HTR4: variants seen among roughly 807,000 people sequenced by gnomAD.
HTR4 encodes 5-hydroxytryptamine receptor 4, also known as 5-hydroxytryptamine (serotonin) receptor 4, G protein-coupled.
In HTR4, 16 loss-of-function variants were observed where a neutral mutation model predicts 36.8. That is an observed-to-expected ratio of 0.43 (90% CI 0.29 to 0.66). The LOEUF (loss-of-function observed/expected upper bound fraction) is 0.66. Among genes scored for constraint, HTR4 ranks in the 30% least tolerant of loss-of-function variants. The pLI is 0.13. For missense variants in HTR4, 438 were observed against 490.9 expected (o/e 0.89, Z 1.02); for synonymous variants, 189 against 185.1 (o/e 1.02, Z -0.17).
chr5:148,492,316 G>A lies in HTR4; in HGVS notation c.1077-9023C>T, dbSNP rs530480312. Among the ~76,000 whole-genome samples the A allele has an allele frequency of 4.6e-5, 7 of 152,270 alleles. No individual in the cohort carries two copies. The South Asian group carries it at 1.5e-3, about 32-fold the overall frequency. ...CTACAGGTAATTTAAAATCCAGAAG[G>A]CATATTCAAAATAACAGCCCCAACT... is the stretch of plus-strand genomic sequence containing the variant. On this transcript the variant is annotated intron_variant, in intron 6 of 6. Coordinates refer to ENST00000377888, the MANE Select transcript of HTR4 (RefSeq NM_000870.7).
chr5:148,537,353 C>T (rs10476895), intron 4 of HTR4, among the ~76,000 whole-genome samples: 47,683 of 151,702 alleles, frequency 0.31, 7,789 homozygotes, highest in Non-Finnish European at 0.37. Flanking sequence ...AAAAATCAAC[C>T]CCAAAAATAG....
intron 2 of HTR4, among the ~76,000 whole-genome samples, chr5:148,563,145 T>C (rs1253460457): frequency 2.0e-5 from 3 of 152,154 alleles, no homozygotes; most frequent in African/African-American, 7.2e-5. Context: ...GCTGCTTCCA[T>C]CATCTCAACT....
At chr5:148,493,430 A>G (rs1756547813) in intron 6 of HTR4, among the ~76,000 whole-genome samples, 1 of 152,256 alleles carries the variant, frequency 6.6e-6, no homozygotes, top group African/African-American at 2.4e-5. Flanking sequence ...ACTACCTACC[A>G]TGATCTGTAT....
intron 5 of HTR4, among the ~76,000 whole-genome samples, chr5:148,518,361 A>G (rs1245523611): frequency 6.6e-6 from 1 of 152,172 alleles, no homozygotes; most frequent in Non-Finnish European, 1.5e-5. Context: ...CCTGAATTAG[A>G]TTCTCAAATA....
chr5:148,600,350 T>TA (rs576249705), intron 2 of HTR4, among the ~76,000 whole-genome samples: 20 of 63,204 alleles, frequency 3.2e-4, no homozygotes, highest in African/African-American at 5.3e-4. Context: ...TATATATATA[T>TA]TTTTTTTTCA....
chr5:148,568,112 A>C (rs1303876239), intron 2 of HTR4, among the ~76,000 whole-genome samples: 1 of 152,182 alleles, frequency 6.6e-6, no homozygotes, highest in African/African-American at 2.4e-5. Flanking sequence ...TGCAAATGAA[A>C]TACTCTATCT....
chr5:148,559,050 T>C (rs1435228172), intron 2 of HTR4, among the ~76,000 whole-genome samples: 4 of 152,176 alleles, frequency 2.6e-5, no homozygotes, highest in African/African-American at 7.2e-5. Flanking sequence ...GGCCTAGAGT[T>C]GGGCAAAGTC....
chr5:148,632,283 A>G (rs1475731719), intron 2 of HTR4, among the ~76,000 whole-genome samples: 2 of 152,330 alleles, frequency 1.3e-5, no homozygotes, highest in East Asian at 3.9e-4. Flanking sequence ...AGTTTCCTAG[A>G]AACCCTAGCA....
intron 4 of HTR4, among the ~76,000 whole-genome samples, chr5:148,533,094 G>A (rs1758655639): frequency 6.6e-6 from 1 of 152,226 alleles, no homozygotes; most frequent in African/African-American, 2.4e-5. Context: ...AGAAAGAGTT[G>A]TTGATTCATA....
chr5:148,612,703 A>C (rs1264565842), intron 2 of HTR4, among the ~76,000 whole-genome samples: 2 of 147,028 alleles, frequency 1.4e-5, no homozygotes, highest in Non-Finnish European at 3.0e-5. Context: ...GGAAATAGAG[A>C]CACAAAAAAA....
intron 6 of HTR4, among the ~76,000 whole-genome samples, chr5:148,505,653 C>T (rs1343637074): frequency 1.3e-5 from 2 of 152,186 alleles, no homozygotes; most frequent in Non-Finnish European, 2.9e-5. Flanking sequence ...TCTCCTTAAG[C>T]TGATAGGCAA....
At chr5:148,527,061 G>A (rs548816853) in intron 4 of HTR4, among the ~76,000 whole-genome samples, 108 of 152,270 alleles carry the variant, frequency 7.1e-4, no homozygotes, top group Non-Finnish European at 1.3e-3. Flanking sequence ...AATGATAAAT[G>A]TTTGAGGTGA....
intron 2 of HTR4, among the ~76,000 whole-genome samples, chr5:148,595,783 A>T (rs1390120361): frequency 6.6e-6 from 1 of 152,226 alleles, no homozygotes; most frequent in Non-Finnish European, 1.5e-5. Flanking sequence ...AATCTTTTCC[A>T]ATTTAAATGA....
intron 2 of HTR4, among the ~76,000 whole-genome samples, chr5:148,610,274 T>C (rs943099982): frequency 6.6e-6 from 1 of 152,178 alleles, no homozygotes; most frequent in Non-Finnish European, 1.5e-5. Flanking sequence ...GATTTCTGCA[T>C]TTCCATCTGA....
intron 2 of HTR4, among the ~76,000 whole-genome samples, chr5:148,632,783 C>A (rs1337362588): frequency 6.6e-6 from 1 of 152,094 alleles, no homozygotes; most frequent in Non-Finnish European, 1.5e-5. Context: ...ATTTAGCGAT[C>A]ACACTTGAAC....
intron 5 of HTR4, among the ~76,000 whole-genome samples, chr5:148,465,204 A>T (rs529835020): frequency 9.2e-5 from 14 of 152,274 alleles, no homozygotes; most frequent in South Asian, 8.3e-4. Flanking sequence ...TACAGTACTA[A>T]GAATGAACTC....
chr5:148,612,039 T>C (rs1397898106), intron 2 of HTR4, among the ~76,000 whole-genome samples: 3 of 151,938 alleles, frequency 2.0e-5, no homozygotes, highest in African/African-American at 7.3e-5. Flanking sequence ...AAGTCCTGAG[T>C]GACCTACAAA....
At chr5:148,629,703 C>G (rs1410007834) in intron 2 of HTR4, 2 of 152,306 alleles carry the variant, frequency 1.3e-5, no homozygotes, top group African/African-American at 4.8e-5. Flanking sequence ...GATTGAGACT[C>G]AGATGCTTAT....
At chr5:148,603,226 T>C (rs1356081324) in intron 2 of HTR4, among the ~76,000 whole-genome samples, 5 of 152,042 alleles carry the variant, frequency 3.3e-5, no homozygotes, top group Non-Finnish European at 5.9e-5. Flanking sequence ...ATTTCATCAT[T>C]GTGAGGTTAG....
Sources: allele counts gnomAD v4.1 joint callset (sites outside exome capture counted in the v4.1 genomes callset), GRCh38; gene constraint gnomAD v4.1.1; transcripts MANE v1.5; gene names NCBI Gene and HGNC (gene_info 2026-07-23, HGNC 2026-07-21).